RNF180: variants seen among roughly 807,000 people sequenced by gnomAD.
The protein encoded by RNF180 is E3 ubiquitin-protein ligase RNF180.
Under a neutral mutation model 59.2 loss-of-function variants are expected in RNF180, and 38 were observed. That is an observed-to-expected ratio of 0.64 (90% CI 0.50 to 0.84). RNF180 has a LOEUF of 0.84. Ranked by LOEUF, RNF180 falls within the 40% of genes least tolerant of loss-of-function variation. The pLI, the probability that RNF180 is intolerant of heterozygous loss-of-function variation, is 0.00. For missense variants in RNF180, 705 were observed against 700.9 expected (o/e 1.01, Z -0.07); for synonymous variants, 262 against 240.3 (o/e 1.09, Z -0.84).
chr5:64,316,398 T>C (rs141873617), intron 5 of RNF180, among the ~76,000 whole-genome samples: 1 of 152,332 alleles, frequency 6.6e-6, no homozygotes, highest in Non-Finnish European at 1.5e-5. Flanking sequence ...CACACCAAGA[T>C]ACTGCAGAAA....
At chr5:64,283,924 A>G (rs1256374169) in intron 5 of RNF180, among the ~76,000 whole-genome samples, 3 of 152,178 alleles carry the variant, frequency 2.0e-5, no homozygotes, top group African/African-American at 7.2e-5. Context: ...TTATTATGCA[A>G]GCTTGATTCT....
In RNF180 at chr5:64,307,557, T is replaced by C. The variant is rs548952078; in HGVS notation, c.1228-17629T>C. 3.8e-4 allele frequency among the ~76,000 whole-genome samples: 58 copies of C among 151,762 alleles called. 1 individual carries two copies. The South Asian group carries it at 5.8e-3, about 15-fold the overall frequency. ...TGATATACATATAGCCCTCAAAATA[T>C]AGATGTTCCTCAACTTACAGTGGGG... On this transcript the variant is annotated intron_variant, in intron 5 of 7. Transcript: ENST00000389100.
chr5:64,285,776 G>C (rs1742252512), intron 5 of RNF180, among the ~76,000 whole-genome samples: 1 of 152,138 alleles, frequency 6.6e-6, no homozygotes, highest in African/African-American at 2.4e-5. Context: ...TCACCCAAAT[G>C]CTAAAGCCAC....
intron 5 of RNF180, among the ~76,000 whole-genome samples, chr5:64,310,647 G>C (rs1309099369): frequency 6.6e-6 from 1 of 151,746 alleles, no homozygotes; most frequent in Non-Finnish European, 1.5e-5. Flanking sequence ...TCACTCAAGT[G>C]AAGTCCTAAT....
chr5:64,233,509 A>G (rs1207999606), intron 5 of RNF180, among the ~76,000 whole-genome samples: 2 of 152,254 alleles, frequency 1.3e-5, no homozygotes, highest in African/African-American at 4.8e-5. Context: ...GCTTTTGCTT[A>G]TGGACTATAT....
At chr5:64,284,198 C>T (rs1006259698) in intron 5 of RNF180, among the ~76,000 whole-genome samples, 1 of 151,102 alleles carries the variant, frequency 6.6e-6, no homozygotes, top group Non-Finnish European at 1.5e-5. Context: ...TCTCTTCTAG[C>T]TTGTAGGGTT....
chr5:64,329,146 G>A (rs1437182954), intron 6 of RNF180, among the ~76,000 whole-genome samples: 1 of 152,092 alleles, frequency 6.6e-6, no homozygotes, highest in Non-Finnish European at 1.5e-5. Flanking sequence ...AGACTCAGGT[G>A]GTCAACCCAT....
At chr5:64,319,084 CTG>C (rs756092857) in intron 5 of RNF180, among the ~76,000 whole-genome samples, 1 of 151,196 alleles carries the variant, frequency 6.6e-6, no homozygotes, top group Non-Finnish European at 1.5e-5. Flanking sequence ...AGGCAAAACT[CTG>C]TGTGTGTGCA....
chr5:64,213,722 A>G lies in RNF180; in HGVS notation c.396A>G (p.Arg132=). The change falls in exon 4 of 8, where the codon AGA becomes AGG. Residue 132 remains arginine (R), a synonymous_variant. Coordinates refer to ENST00000389100, the MANE Select transcript of RNF180 (RefSeq NM_001113561.2). ...YQPTQAGRLM[R]PSVKYLSHPR... ...CAACACAGGCAGGCAGACTAATGAG[A>G]CCATCAGTGAAATACTTGTCACATC... 1 of 1,613,970 alleles carries G rather than the reference A, an allele frequency of 6.2e-7. No homozygotes were observed. Among genetic ancestry groups the G allele is most frequent in the African/African-American group, 1.3e-5 (1 of 75,046 alleles).
chr5:64,352,369 A>AT (rs1227889121), intron 7 of RNF180, among the ~76,000 whole-genome samples: 4 of 151,950 alleles, frequency 2.6e-5, no homozygotes, highest in African/African-American at 4.8e-5. Flanking sequence ...GGATTCATTG[A>AT]TTTTTTGAAG....
At chr5:64,321,705 A>C (rs908979291) in intron 5 of RNF180, among the ~76,000 whole-genome samples, 8 of 152,192 alleles carry the variant, frequency 5.3e-5, no homozygotes, top group Admixed American at 6.5e-5. Flanking sequence ...CCGTATAGCC[A>C]AGACAATCCT....
intron 5 of RNF180, among the ~76,000 whole-genome samples, chr5:64,323,057 A>C (rs1348905743): frequency 6.6e-6 from 1 of 152,250 alleles, no homozygotes; most frequent in Non-Finnish European, 1.5e-5. Flanking sequence ...GAATGAAAAT[A>C]AGCAGAAGAA....
At chr5:64,307,127 C>CT (rs1743511902) in intron 5 of RNF180, among the ~76,000 whole-genome samples, 2 of 150,552 alleles carry the variant, frequency 1.3e-5, no homozygotes, top group African/African-American at 2.4e-5. Flanking sequence ...TGTCATTTCA[C>CT]TTTCTGTACC....
intron 5 of RNF180, among the ~76,000 whole-genome samples, chr5:64,322,307 GA>G (rs948163265): frequency 4.0e-5 from 6 of 150,986 alleles, no homozygotes; most frequent in Admixed American, 2.0e-4. Context: ...TAAATTTAAA[GA>G]AAAAAACAAC....
intron 1 of RNF180, among the ~76,000 whole-genome samples, chr5:64,189,067 G>A (rs1341926967): frequency 6.6e-6 from 1 of 151,910 alleles, no homozygotes; most frequent in Non-Finnish European, 1.5e-5. Context: ...CAGGAAAGTG[G>A]CCATCTGCAG....
intron 5 of RNF180, among the ~76,000 whole-genome samples, chr5:64,225,135 G>A (rs1398503402): frequency 1.3e-5 from 2 of 152,252 alleles, no homozygotes; most frequent in Non-Finnish European, 2.9e-5. Context: ...TAGTCTCAGA[G>A]TAGTAACACA....
chr5:64,350,932 C>T (rs989470746), intron 7 of RNF180, among the ~76,000 whole-genome samples: 6 of 151,948 alleles, frequency 3.9e-5, no homozygotes, highest in Non-Finnish European at 7.4e-5. Context: ...GTAGTTTTTT[C>T]CAATTCTGTG....
At chr5:64,250,699 C>T (rs1236390130) in intron 5 of RNF180, among the ~76,000 whole-genome samples, 1 of 152,004 alleles carries the variant, frequency 6.6e-6, no homozygotes, top group East Asian at 1.9e-4. Flanking sequence ...CCTACCAAGC[C>T]TAAATCAGAA....
intron 7 of RNF180, among the ~76,000 whole-genome samples, chr5:64,337,316 G>T (rs1745169036): frequency 6.6e-6 from 1 of 151,896 alleles, no homozygotes; most frequent in Admixed American, 6.6e-5. Context: ...GCCTCGCTTA[G>T]ATGTTTTAAA....
Sources: gnomAD v4.1 joint callset for allele counts (sites outside exome capture counted in the v4.1 genomes callset) on GRCh38, gnomAD v4.1.1 for gene constraint, MANE v1.5 for transcripts, NCBI Gene and HGNC (gene_info 2026-07-23, HGNC 2026-07-21) for gene names.